The following USH2A variants were observed in gnomAD, a reference collection of about 807,000 sequenced individuals.
The protein encoded by USH2A is usherin, also known as Usher syndrome 2A (autosomal recessive, mild).
Under a neutral mutation model 538.9 loss-of-function variants are expected in USH2A, and 443 were observed. The observed-to-expected ratio is 0.82, with a 90% CI of 0.76 to 0.89. The LOEUF is 0.89. Ranked by LOEUF, USH2A falls within the 40% of genes least tolerant of loss-of-function variation. USH2A has a pLI of 0.00. For synonymous variants in USH2A, 2,413 were observed against 2,273.5 expected (o/e 1.06, Z -1.75); for missense variants, 6,633 against 6,324.8 (o/e 1.05, Z -1.65).
chr1:216,303,839 C>T (rs911895680), intron 9 of USH2A, among the ~76,000 whole-genome samples: 2 of 151,860 alleles, frequency 1.3e-5, no homozygotes, highest in Non-Finnish European at 2.9e-5. Flanking sequence ...GCATAATGCA[C>T]TACACATAGA....
intron 10 of USH2A, among the ~76,000 whole-genome samples, chr1:216,291,156 A>T (rs2036992663): frequency 1.3e-5 from 1 of 79,904 alleles, no homozygotes; most frequent in African/African-American, 2.9e-5. Context: ...ACCTTAGATA[A>T]AAGCCAAAGG....
At chr1:216,339,471 T>C (rs983104877) in intron 4 of USH2A, among the ~76,000 whole-genome samples, 16 of 151,714 alleles carry the variant, frequency 1.1e-4, no homozygotes, top group Admixed American at 9.9e-4. Context: ...ATGATAAATG[T>C]AAATGCAGAA....
At chr1:216,292,836 C>A (rs925671651) in intron 9 of USH2A, among the ~76,000 whole-genome samples, 2 of 152,080 alleles carry the variant, frequency 1.3e-5, no homozygotes, top group African/African-American at 4.8e-5. Context: ...TAACAACTCT[C>A]CAATGCTGGT....
chr1:215,861,395 TA>T (rs1344634345), intron 44 of USH2A, among the ~76,000 whole-genome samples: 3 of 152,236 alleles, frequency 2.0e-5, no homozygotes, highest in African/African-American at 7.2e-5. Context: ...TGGTGAAACC[TA>T]AAATCTCCAA....
At chr1:215,880,477 G>A (rs377498960) in intron 41 of USH2A, among the ~76,000 whole-genome samples, 1 of 152,190 alleles carries the variant, frequency 6.6e-6, no homozygotes. Flanking sequence ...TCTAAGAAGA[G>A]AGGCTGGGAT....
At chr1:216,322,551 G>A (rs2037638496) in intron 8 of USH2A, among the ~76,000 whole-genome samples, 1 of 146,398 alleles carries the variant, frequency 6.8e-6, no homozygotes, top group Admixed American at 6.9e-5. Flanking sequence ...AGGTTGCAAC[G>A]AGCCATGATC....
intron 64 of USH2A, among the ~76,000 whole-genome samples, chr1:215,665,470 G>C (rs1226472896): frequency 1.3e-5 from 2 of 152,278 alleles, no homozygotes; most frequent in African/African-American, 2.4e-5. Flanking sequence ...TCAGTGAAAG[G>C]GGGGGTGGTG....
intron 43 of USH2A, 54 bp downstream of exon 43, chr1:215,877,704 A>G (rs576995206): frequency 6.2e-7 from 1 of 1,610,938 alleles, no homozygotes; most frequent in South Asian, 1.1e-5. Context: ...TGAACTATTC[A>G]ACATGCCCAG....
chr1:216,267,948 T>C (rs2036507404), intron 11 of USH2A, among the ~76,000 whole-genome samples: 1 of 152,236 alleles, frequency 6.6e-6, no homozygotes, highest in Non-Finnish European at 1.5e-5. Context: ...ACAACAACAA[T>C]AATAATATCC....
At chr1:216,298,784 A>G (rs2037155437) in intron 9 of USH2A, among the ~76,000 whole-genome samples, 1 of 152,062 alleles carries the variant, frequency 6.6e-6, no homozygotes, top group Admixed American at 6.6e-5. Flanking sequence ...TTTTAGGAGG[A>G]GCAACATATG....
intron 3 of USH2A, among the ~76,000 whole-genome samples, chr1:216,403,927 C>A (rs1269313937): frequency 6.6e-6 from 1 of 152,076 alleles, no homozygotes; most frequent in African/African-American, 2.4e-5. Context: ...CCCTTCACAC[C>A]TCACTCTTCT....
intron 60 of USH2A, among the ~76,000 whole-genome samples, chr1:215,737,781 GTCTTT>G (rs1452545364): frequency 3.9e-5 from 6 of 151,978 alleles, no homozygotes; most frequent in Non-Finnish European, 7.4e-5. Context: ...TTCAATGCTC[GTCTTT>G]TCTTAGTTAA....
chr1:215,775,495 G>A (rs967064126), intron 55 of USH2A, among the ~76,000 whole-genome samples: 1 of 152,106 alleles, frequency 6.6e-6, no homozygotes, highest in African/African-American at 2.4e-5. Context: ...TAGGTACCAG[G>A]AACACAATGG....
chr1:216,307,320 C>T (rs73098690), intron 9 of USH2A, among the ~76,000 whole-genome samples: 9,634 of 152,026 alleles, frequency 0.063, 343 homozygotes, highest in Middle Eastern at 0.092. Context: ...GCCTCTGCTA[C>T]ATCATACAGG....
Position 216,217,433 on chromosome 1 carries a change from G to A in USH2A, c.3111C>T (p.Pro1037=), listed in dbSNP as rs1349789101. The A allele has an allele frequency of 4.3e-6, 7 of 1,613,054 alleles. No homozygotes were observed. The highest frequency in any genetic ancestry group is 5.1e-6 in the Non-Finnish European group (6 of 1,179,480). The change falls in exon 15 of 72, where the codon CCC becomes CCT. Residue 1037 remains proline, a synonymous_variant. Transcript: ENST00000307340. ...VTGSKCDACV[P]SASHLDVNNL... is the part of the protein sequence containing the mutation. Reference sequence around the variant, plus strand: ...TGTTGACATCCAAGTGGCTTGCACTGGGAACACAAGCATCACACTTTGAGC... The same window carrying A: ...TGTTGACATCCAAGTGGCTTGCACTAGGAACACAAGCATCACACTTTGAGC...
At chr1:216,358,896 A>C (rs1031211415) in intron 4 of USH2A, among the ~76,000 whole-genome samples, 2 of 152,112 alleles carry the variant, frequency 1.3e-5, no homozygotes, top group Non-Finnish European at 2.9e-5. Flanking sequence ...TAGTATACTG[A>C]AGTAGAATAG....
chr1:215,712,643 C>T (rs890097214), intron 61 of USH2A, among the ~76,000 whole-genome samples: 11 of 152,182 alleles, frequency 7.2e-5, no homozygotes, highest in Admixed American at 7.2e-4. Context: ...TTTCTTTCCC[C>T]ACTGCTCTAC....
At chr1:215,946,694 G>A (rs1485921337) in intron 37 of USH2A, among the ~76,000 whole-genome samples, 1 of 152,090 alleles carries the variant, frequency 6.6e-6, no homozygotes, top group Non-Finnish European at 1.5e-5. Context: ...ATCCACATAT[G>A]GCTATTGAGC....
At chr1:216,010,299 C>T (rs1039053105) in intron 32 of USH2A, among the ~76,000 whole-genome samples, 1 of 152,154 alleles carries the variant, frequency 6.6e-6, no homozygotes. Flanking sequence ...GAAATCTGGC[C>T]ACCAGGCCAG....
Sources: gnomAD v4.1 joint callset for allele counts (sites outside exome capture counted in the v4.1 genomes callset) on GRCh38, gnomAD v4.1.1 for gene constraint, MANE v1.5 for transcripts, NCBI Gene and HGNC (gene_info 2026-07-23, HGNC 2026-07-21) for gene names.